Variants in HS2ST1 observed in about 807,000 individuals in gnomAD.
HS2ST1 encodes 2-O-sulfotransferase.
In HS2ST1, 18 loss-of-function variants were observed where a neutral mutation model predicts 42.9. That is an observed-to-expected ratio of 0.42 (90% CI 0.29 to 0.62). HS2ST1 has a LOEUF of 0.62. HS2ST1 is among the 20% of genes least tolerant of loss of function. The probability of loss-of-function intolerance (pLI) is 0.21; values close to 1 mark genes in which losing one functional copy is unlikely to be tolerated. For missense variants in HS2ST1, 334 were observed against 433.8 expected (o/e 0.77, Z 2.04); for synonymous variants, 146 against 152.9 (o/e 0.95, Z 0.33).
intron 1 of HS2ST1, among the ~76,000 whole-genome samples, chr1:86,992,070 C>G (rs1648968597): frequency 6.6e-6 from 1 of 151,960 alleles, no homozygotes; most frequent in African/African-American, 2.4e-5. Context: ...GCTGTTAACC[C>G]TATTGTGAAC....
intron 1 of HS2ST1, among the ~76,000 whole-genome samples, chr1:86,990,964 G>A (rs1210246765): frequency 1.3e-5 from 2 of 149,590 alleles, no homozygotes; most frequent in Non-Finnish European, 3.0e-5. Context: ...ATAGGCCTGA[G>A]TGCCCAGCTG....
intron 1 of HS2ST1, among the ~76,000 whole-genome samples, chr1:86,964,481 T>TA (rs777289394): frequency 6.6e-5 from 10 of 152,134 alleles, no homozygotes; most frequent in Admixed American, 5.9e-4. Flanking sequence ...ACCAAAAAAA[T>TA]ACGAAAACCA....
chr1:87,010,055 C>CAAAA (rs11345061), intron 1 of HS2ST1, among the ~76,000 whole-genome samples: 2 of 148,394 alleles, frequency 1.3e-5, no homozygotes, highest in African/African-American at 5.0e-5. Flanking sequence ...CAAAACAAAA[C>CAAAA]AAAAAAAAAA....
At chr1:86,938,063 C>T (rs1660692361) in intron 1 of HS2ST1, among the ~76,000 whole-genome samples, 1 of 152,018 alleles carries the variant, frequency 6.6e-6, no homozygotes, top group Non-Finnish European at 1.5e-5. Context: ...TGTTCTATTA[C>T]TGTAACATTC....
intron 1 of HS2ST1, among the ~76,000 whole-genome samples, chr1:86,918,423 A>C (rs937001349): frequency 6.6e-6 from 1 of 152,052 alleles, no homozygotes; most frequent in Non-Finnish European, 1.5e-5. Flanking sequence ...TAAATTATTA[A>C]GCCATTATTC....
At chr1:87,092,222 TG>T (rs2100649982) in intron 3 of HS2ST1, among the ~76,000 whole-genome samples, 1 of 152,176 alleles carries the variant, frequency 6.6e-6, no homozygotes, top group South Asian at 2.1e-4. Context: ...TAAAGTATAA[TG>T]AAGGCATAGA....
intron 1 of HS2ST1, among the ~76,000 whole-genome samples, chr1:86,955,785 G>A (rs2102191521): frequency 6.6e-6 from 1 of 152,258 alleles, no homozygotes; most frequent in South Asian, 2.1e-4. Context: ...AGGAGTTTGG[G>A]ACCAGCCTAG....
chr1:86,990,812 T>TATATATA (rs1553135487), intron 1 of HS2ST1, among the ~76,000 whole-genome samples: 5 of 10,248 alleles, frequency 4.9e-4, no homozygotes, highest in African/African-American at 5.8e-4. Flanking sequence ...CTGGCTAATT[T>TATATATA]TATATATATA....
intron 1 of HS2ST1, among the ~76,000 whole-genome samples, chr1:86,990,826 A>ATATATATG (rs1204144630): frequency 5.8e-5 from 1 of 17,288 alleles, no homozygotes; most frequent in Non-Finnish European, 2.3e-4. Context: ...ATATATATAT[A>ATATATATG]TATATATATA....
intron 1 of HS2ST1, among the ~76,000 whole-genome samples, chr1:86,943,040 A>C (rs1270616112): frequency 6.6e-6 from 1 of 152,180 alleles, no homozygotes; most frequent in Non-Finnish European, 1.5e-5. Flanking sequence ...CAGCTTTAAA[A>C]TATTATGACC....
intron 1 of HS2ST1, among the ~76,000 whole-genome samples, chr1:86,957,447 T>C (rs949279351): frequency 7.9e-5 from 12 of 152,330 alleles, no homozygotes; most frequent in Admixed American, 2.0e-4. Context: ...TAAACACAAT[T>C]GCAACATGTG....
intron 1 of HS2ST1, among the ~76,000 whole-genome samples, chr1:87,024,146 A>G (rs1381183559): frequency 6.6e-6 from 1 of 152,176 alleles, no homozygotes; most frequent in Non-Finnish European, 1.5e-5. Context: ...AGAGATTGCT[A>G]TCAGGATTAA....
intron 1 of HS2ST1, among the ~76,000 whole-genome samples, chr1:86,953,759 C>T (rs1329649739): frequency 1.3e-5 from 2 of 151,600 alleles, no homozygotes; most frequent in Non-Finnish European, 2.9e-5. Context: ...ACTCCCGTCT[C>T]AAAAAATAAA....
intron 1 of HS2ST1, among the ~76,000 whole-genome samples, chr1:86,960,227 C>CAAAAA (rs145286319): frequency 5.3e-5 from 7 of 131,488 alleles, no homozygotes; most frequent in East Asian, 2.1e-4. Context: ...TCCACGCCAC[C>CAAAAA]AAAAAAAAAA....
chr1:87,008,463 C>G (rs1649503465), intron 1 of HS2ST1, among the ~76,000 whole-genome samples: 1 of 152,166 alleles, frequency 6.6e-6, no homozygotes, highest in South Asian at 2.1e-4. Flanking sequence ...TATTTTGAAA[C>G]ATAATTACTG....
chr1:86,992,330 C>G (rs1232225873), intron 1 of HS2ST1, among the ~76,000 whole-genome samples: 1 of 151,744 alleles, frequency 6.6e-6, no homozygotes, highest in East Asian at 1.9e-4. Context: ...ATTTGGGTTA[C>G]TTGGAGTTTG....
In HS2ST1 at chr1:86,962,408, G is replaced by C. The variant is rs191676255; in HGVS notation, c.124+47248G>C. The stretch of plus-strand genomic sequence containing the variant: ...ATGATTAAGATACTTGGATCCTTAA[G>C]CATGATCATGATTAAGCATAATCCT... On this transcript the variant is annotated intron_variant, in intron 1 of 6. Coordinates refer to ENST00000370550, the MANE Select transcript of HS2ST1 (RefSeq NM_012262.4). 3.0e-3 allele frequency among the ~76,000 whole-genome samples: 452 copies of C among 151,840 alleles called. 2 individuals carry two copies. Among genetic ancestry groups the C allele is most frequent in the African/African-American group, 0.01 (421 of 41,384 alleles).
chr1:87,092,879 T>G (rs1651979440), intron 4 of HS2ST1, among the ~76,000 whole-genome samples: 1 of 152,046 alleles, frequency 6.6e-6, no homozygotes, highest in Non-Finnish European at 1.5e-5. Flanking sequence ...TTAAAAATAT[T>G]TCTTTTCCAG....
Position 87,106,133 on chromosome 1 carries a change from T to TA in HS2ST1, c.*1438dup, listed in dbSNP as rs1344267228. The stretch of plus-strand genomic sequence containing the variant: ...GAAACATCTTTAACATATAGTTTCA[T>TA]ACCATTCATTTTTTAACAAAGAAAG... On this transcript the variant is annotated 3_prime_UTR_variant, in exon 7 of 7. Coordinates refer to ENST00000370550, the MANE Select transcript of HS2ST1 (RefSeq NM_012262.4). The TA allele has an allele frequency of 1.3e-5, 2 of 152,542 alleles. No homozygotes were observed. The highest frequency in any genetic ancestry group is 2.9e-5 in the Non-Finnish European group (2 of 67,972). 9.4% of individuals were successfully genotyped at this position (152,542 alleles called of 1,614,324 possible).
Sources: gnomAD v4.1 joint callset for allele counts (sites outside exome capture counted in the v4.1 genomes callset) on GRCh38, gnomAD v4.1.1 for gene constraint, MANE v1.5 for transcripts, NCBI Gene and HGNC (gene_info 2026-07-23, HGNC 2026-07-21) for gene names.